Variants in XPO1 observed in about 807,000 individuals in gnomAD.
The protein encoded by XPO1 is exportin-1.
Under a neutral mutation model 133.3 loss-of-function variants are expected in XPO1, and 5 were observed. That is an observed-to-expected ratio of 0.04 (90% confidence interval 0.02 to 0.08). The LOEUF (loss-of-function observed/expected upper bound fraction) is 0.08. XPO1 is among the 10% of genes least tolerant of loss of function. XPO1 has a pLI of 1.00. For synonymous variants in XPO1, 419 were observed against 408.2 expected (o/e 1.03, Z -0.32); for missense variants, 506 against 1,267.5 (o/e 0.40, Z 9.12).
chr2:61,534,778 G>C (rs1411062502), intron 1 of XPO1: 1 of 152,218 alleles, frequency 6.6e-6, no homozygotes, highest in Non-Finnish European at 1.5e-5. Flanking sequence ...GGAACCACAA[G>C]TCTAACATAT....
At chr2:61,485,557 G>A in intron 20 of XPO1, 1 of 268,058 alleles carries the variant, frequency 3.7e-6, no homozygotes, top group Non-Finnish European at 6.7e-6. Context: ...ACTTTTTGTA[G>A]AGATGAAGTC....
chr2:61,497,019 G>A lies in XPO1; in HGVS notation c.760-12C>T, dbSNP rs189361552. 49 of 1,598,326 alleles carry A rather than the reference G, an allele frequency of 3.1e-5. No homozygotes were observed. The African/African-American group carries it at 6.5e-4, about 21-fold the overall frequency. On this transcript the variant is annotated splice_polypyrimidine_tract_variant and intron_variant, in intron 9 of 24. Coordinates refer to ENST00000401558, the MANE Select transcript of XPO1 (RefSeq NM_003400.4). ...GGAACATTCAGGAACTATTTAAAAGGGGGGAGGGAACCATAAAATTAATTG... is the reference window on the plus strand; with the variant it reads ...GGAACATTCAGGAACTATTTAAAAGAGGGGAGGGAACCATAAAATTAATTG...
At chr2:61,488,994 C>G (rs570357726) in intron 17 of XPO1, among the ~76,000 whole-genome samples, 2 of 151,654 alleles carry the variant, frequency 1.3e-5, no homozygotes, top group Admixed American at 6.6e-5. Context: ...CCCACCTACT[C>G]GGGAGGTTGA....
rs1466994890 is a variant in XPO1 at position 61,515,899 on chromosome 2, C to T, written c.301+6712G>A. On this transcript the variant is annotated intron_variant, in intron 4 of 24. Transcript: ENST00000401558. ...GAGATCGAGACCATCCTGGCTAACA[C>T]GGTGAAACCCCATCTCTACTAAAAA... 1.1e-4 allele frequency among the ~76,000 whole-genome samples: 16 copies of T among 141,610 alleles called. 1 individual carries two copies. The South Asian group carries it at 1.6e-3, about 14-fold the overall frequency. The allele number at this position is 141,610 out of a possible 152,430, so 92.9% of individuals were successfully genotyped here.
At chr2:61,524,210 C>T (rs1698817034) in intron 3 of XPO1, among the ~76,000 whole-genome samples, 1 of 152,024 alleles carries the variant, frequency 6.6e-6, no homozygotes, top group South Asian at 2.1e-4. Context: ...ATCCTCTTGC[C>T]AAAAATCAAT....
chr2:61,507,323 T>C (rs1300277808), intron 4 of XPO1, among the ~76,000 whole-genome samples: 1 of 151,084 alleles, frequency 6.6e-6, no homozygotes, highest in Non-Finnish European at 1.5e-5. Context: ...CCTGTAATCC[T>C]GGAGCTTTGG....
At chr2:61,490,854 C>T (rs1014764963) in intron 16 of XPO1, 78 bp from the exon 17 acceptor site, 18 of 1,541,266 alleles carry the variant, frequency 1.2e-5, no homozygotes, top group East Asian at 1.1e-4. Context: ...AATTCACAAA[C>T]GTCTTGAAAC....
intron 6 of XPO1, among the ~76,000 whole-genome samples, chr2:61,501,648 G>A (rs751578401): frequency 3.3e-5 from 5 of 150,912 alleles, no homozygotes; most frequent in South Asian, 4.2e-4. Context: ...GCTTGAACCC[G>A]GGTAGCAGAG....
chr2:61,506,616 T>G (rs1201052073), intron 4 of XPO1, among the ~76,000 whole-genome samples: 2 of 75,802 alleles, frequency 2.6e-5, no homozygotes, highest in African/African-American at 5.2e-5. Context: ...AAAAAAAAAA[T>G]CCAATGTTAA....
chr2:61,483,797 T>A, intron 21 of XPO1, 140 bp downstream of exon 21: 1 of 955,682 alleles, frequency 1.0e-6, no homozygotes, highest in Non-Finnish European at 1.5e-6. Flanking sequence ...ATTAAACTGC[T>A]TATAGGATTT....
chr2:61,499,216 T>C (rs1573147030), intron 7 of XPO1, among the ~76,000 whole-genome samples: 1 of 152,210 alleles, frequency 6.6e-6, no homozygotes, highest in Non-Finnish European at 1.5e-5. Flanking sequence ...AAGAACACTA[T>C]TGTTAACAAT....
Position 61,482,607 on chromosome 2 carries a change from GT to G in XPO1, c.2813-69del, listed in dbSNP as rs1696448262. 4 of 1,277,450 alleles carry G rather than the reference GT, an allele frequency of 3.1e-6. No homozygotes were observed. In the African/African-American group the frequency reaches 6.8e-5, roughly 22 times the overall value. The allele number at this position is 1,277,450 out of a possible 1,614,324, so 79.1% of individuals were successfully genotyped here. A position where few individuals can be genotyped will look rare whatever the true frequency, so the allele number is the denominator to read the frequency against. ...ACTATAGATCTTAGCGTTTTTTTTT[GT>G]TTTGTTTTTTTTTTTTAGACGGAGT... On this transcript the variant is annotated intron_variant, in intron 22 of 24. Coordinates refer to ENST00000401558, the MANE Select transcript of XPO1 (RefSeq NM_003400.4).
chr2:61,495,691 T>C (rs1266654224), intron 10 of XPO1, 78 bp from the exon 11 acceptor site: 3 of 1,373,294 alleles, frequency 2.2e-6, no homozygotes, highest in African/African-American at 1.5e-5. Context: ...TATTATTTTT[T>C]TGAGACAAGG....
chr2:61,537,571 G>C lies in XPO1; in HGVS notation c.-16C>G, dbSNP rs1183920773. Reference sequence around the variant, plus strand: ...GACACAGTCGACTTACCCAGAGATTGAACCAACTGCTCCTTCCTTCCTCGT... The same window carrying C: ...GACACAGTCGACTTACCCAGAGATTCAACCAACTGCTCCTTCCTTCCTCGT... On this transcript the variant is annotated 5_prime_UTR_variant, in exon 1 of 25. Coordinates refer to ENST00000401558, the MANE Select transcript of XPO1 (RefSeq NM_003400.4). The C allele has an allele frequency of 2.6e-5, 4 of 151,324 alleles. No homozygotes were observed. In the East Asian group the frequency reaches 7.7e-4, roughly 29 times the overall value. 9.4% of individuals were successfully genotyped at this position (151,324 alleles called of 1,614,324 possible). A position where few individuals can be genotyped will look rare whatever the true frequency, so the allele number is the denominator to read the frequency against.
intron 21 of XPO1, 159 bp from the exon 22 acceptor site, chr2:61,483,250 G>T: frequency 1.5e-6 from 1 of 679,644 alleles, no homozygotes; most frequent in Non-Finnish European, 2.4e-6. Flanking sequence ...AATTAATAAT[G>T]GAATACAACT....
At chr2:61,529,882 C>T (rs910796899) in intron 2 of XPO1, among the ~76,000 whole-genome samples, 2 of 152,126 alleles carry the variant, frequency 1.3e-5, no homozygotes, top group Non-Finnish European at 2.9e-5. Flanking sequence ...AAAGATCAGA[C>T]GCCTGCTTCC....
intron 3 of XPO1, chr2:61,525,245 G>C: frequency 1.0e-6 from 1 of 985,070 alleles, no homozygotes; most frequent in Non-Finnish European, 1.2e-6. Context: ...ACAGAATTCA[G>C]TTAAAGGGAA....
In XPO1 at chr2:61,478,789, G is replaced by A; in HGVS notation, c.*31C>T. On this transcript the variant is annotated 3_prime_UTR_variant, in exon 25 of 25. Transcript: ENST00000401558. ...TGCTGTTTTCCTCTGCTAACGAGTT[G>A]CAGAGAAAAAAAACAGCATGAATTT... 17 of 1,608,014 alleles carry A rather than the reference G, an allele frequency of 1.1e-5. No individual in the cohort carries two copies. The highest frequency in any genetic ancestry group is 2.2e-5 in the East Asian group (1 of 44,730).
At chr2:61,525,684 T>C (rs1558675991) in intron 3 of XPO1, 2 of 1,025,958 alleles carry the variant, frequency 1.9e-6, no homozygotes, top group East Asian at 1.3e-4. Context: ...AGTTCTGGAC[T>C]GTATTTTTGA....
Sources: allele counts gnomAD v4.1 joint callset (sites outside exome capture counted in the v4.1 genomes callset), GRCh38; gene constraint gnomAD v4.1.1; transcripts MANE v1.5; gene names NCBI Gene and HGNC (gene_info 2026-07-23, HGNC 2026-07-21).